PCDH15: variants seen among roughly 807,000 people sequenced by gnomAD.
PCDH15 encodes protocadherin-15.
PCDH15 carries 129 observed loss-of-function variants against 178.5 expected under a neutral mutation model. That is an observed-to-expected ratio of 0.72 (90% CI 0.63 to 0.84). The LOEUF is 0.84. PCDH15 is among the 40% of genes least tolerant of loss of function. The pLI is 0.00. For synonymous variants in PCDH15, 800 were observed against 732.0 expected (o/e 1.09, Z -1.50); for missense variants, 2,230 against 2,099.9 (o/e 1.06, Z -1.21).
chr10:54,734,202 G>A (rs1943779501), intron 1 of PCDH15, among the ~76,000 whole-genome samples: 1 of 151,766 alleles, frequency 6.6e-6, no homozygotes, highest in Admixed American at 6.6e-5. Flanking sequence ...ATTCAACACA[G>A]AGAAAGAGCA....
At chr10:54,659,647 A>T (rs1048295509) in intron 2 of PCDH15, among the ~76,000 whole-genome samples, 1 of 151,716 alleles carries the variant, frequency 6.6e-6, no homozygotes, top group Non-Finnish European at 1.5e-5. Context: ...CCAGCTACTC[A>T]GGAAACTGAG....
chr10:54,576,396 A>G (rs545665983), intron 2 of PCDH15, among the ~76,000 whole-genome samples: 1 of 152,350 alleles, frequency 6.6e-6, no homozygotes, highest in African/African-American at 2.4e-5. Flanking sequence ...TCCTCCTTTA[A>G]AAGTGAGAAT....
At chr10:53,894,660 A>G (rs1036252651) in intron 26 of PCDH15, among the ~76,000 whole-genome samples, 5 of 152,222 alleles carry the variant, frequency 3.3e-5, no homozygotes, top group African/African-American at 4.8e-5. Flanking sequence ...GAACTAAGTA[A>G]TCTACGCTAT....
chr10:55,496,880 G>T (rs908501169), intron 2 of PCDH15, among the ~76,000 whole-genome samples: 3 of 151,684 alleles, frequency 2.0e-5, no homozygotes, highest in Admixed American at 2.0e-4. Context: ...AAAAGGTCAG[G>T]TAAATAAAAT....
At chr10:54,019,414 C>T (rs1392767833) in intron 20 of PCDH15, among the ~76,000 whole-genome samples, 1 of 152,066 alleles carries the variant, frequency 6.6e-6, no homozygotes, top group African/African-American at 2.4e-5. Flanking sequence ...GTACTTTTCT[C>T]AAATGCTGAT....
chr10:55,544,139 C>CATACATATATATATATATATATAT (rs1200067998), intron 2 of PCDH15, among the ~76,000 whole-genome samples: 1 of 54,346 alleles, frequency 1.8e-5, no homozygotes. Flanking sequence ...CTTATACATA[C>CATACATATATATATATATATATAT]ATATATATAT....
intron 27 of PCDH15, among the ~76,000 whole-genome samples, 158 bp from the exon 28 acceptor site, chr10:53,857,421 C>G (rs1190365850): frequency 1.3e-5 from 2 of 152,022 alleles, no homozygotes; most frequent in African/African-American, 4.8e-5. Flanking sequence ...ATTATATGAT[C>G]TACACAAGGG....
chr10:54,211,701 CA>C (rs1360712181), intron 10 of PCDH15, among the ~76,000 whole-genome samples: 2 of 151,392 alleles, frequency 1.3e-5, no homozygotes, highest in Non-Finnish European at 2.9e-5. Context: ...TCTAGTCCAA[CA>C]AAAACTTTTA....
chr10:54,980,008 G>T (rs1839189952), intron 2 of PCDH15, among the ~76,000 whole-genome samples: 1 of 152,090 alleles, frequency 6.6e-6, no homozygotes, highest in South Asian at 2.1e-4. Context: ...TAACATTTGT[G>T]AACATCTGCA....
intron 2 of PCDH15, among the ~76,000 whole-genome samples, chr10:55,624,820 C>T (rs80303122): frequency 6.6e-6 from 1 of 151,948 alleles, no homozygotes; most frequent in Non-Finnish European, 1.5e-5. Flanking sequence ...ACCAGACTCA[C>T]CATTGGGTTC....
At chr10:55,251,979 A>G (rs1000938272) in intron 1 of PCDH15, among the ~76,000 whole-genome samples, 4 of 152,208 alleles carry the variant, frequency 2.6e-5, no homozygotes, top group African/African-American at 9.6e-5. Context: ...CAAATCCCAG[A>G]AGAAACCTGA....
chr10:55,618,142 G>T (rs1205503418), intron 2 of PCDH15, among the ~76,000 whole-genome samples: 1 of 151,932 alleles, frequency 6.6e-6, no homozygotes, highest in Non-Finnish European at 1.5e-5. Flanking sequence ...TTGCATTGCT[G>T]TTTATTAAAT....
intron 2 of PCDH15, among the ~76,000 whole-genome samples, chr10:54,950,845 A>C (rs1838321433): frequency 6.6e-6 from 1 of 151,928 alleles, no homozygotes; most frequent in African/African-American, 2.4e-5. Flanking sequence ...ATATCTGTTT[A>C]TATTTGTATT....
At chr10:54,009,260 A>G (rs2092490122) in intron 20 of PCDH15, among the ~76,000 whole-genome samples, 2 of 152,118 alleles carry the variant, frequency 1.3e-5, no homozygotes, top group African/African-American at 4.8e-5. Flanking sequence ...CCTGAAATAA[A>G]TATCTTAGGA....
chr10:54,526,313 A>C (rs1269442406), intron 3 of PCDH15, among the ~76,000 whole-genome samples: 1 of 152,226 alleles, frequency 6.6e-6, no homozygotes, highest in Non-Finnish European at 1.5e-5. Flanking sequence ...ATTTCAGCCC[A>C]GCTTACATTT....
intron 1 of PCDH15, among the ~76,000 whole-genome samples, chr10:54,756,395 T>C (rs7920545): frequency 0.5 from 76,085 of 151,976 alleles, 19,615 homozygotes; most frequent in Middle Eastern, 0.68. Flanking sequence ...TTTTTCAATA[T>C]GTAAATACGG....
At chr10:54,379,032 A>C (rs1208786580) in intron 3 of PCDH15, 90 bp from the exon 4 acceptor site, 1 of 1,439,424 alleles carries the variant, frequency 6.9e-7, no homozygotes, top group Non-Finnish European at 9.7e-7. Context: ...GCTGGCTCAC[A>C]ATCAGTTTTA....
At position 53,822,000 on chromosome 10, in the gene PCDH15, C is replaced by T. The variant is rs145851144; in HGVS notation, c.4368-1770G>A. The T allele has an allele frequency of 1.3e-4, 208 of 1,613,720 alleles. No individual in the cohort carries two copies. Among genetic ancestry groups the T allele is most frequent in the Middle Eastern group, 9.9e-4 (6 of 6,082 alleles). Reference sequence around the variant, plus strand: ...AGTTTGAAGTTCTGAAACATTTGTGCGTAGATAGTTTTTTTCTATTTGACT... The same window carrying T: ...AGTTTGAAGTTCTGAAACATTTGTGTGTAGATAGTTTTTTTCTATTTGACT... On this transcript the variant is annotated intron_variant, in intron 32 of 37. Coordinates refer to ENST00000644397, the MANE Select transcript of PCDH15 (RefSeq NM_001384140.1).
chr10:55,401,314 TA>T lies in PCDH15; in HGVS notation c.-156+226310del, dbSNP rs1308860450. ...AAGACTATCTGCCTGGGCAGCCTGG[TA>T]AACCTATATTTACTCAGCACTTACT... On this transcript the variant is annotated intron_variant, in intron 2 of 5. Coordinates refer to the PCDH15 transcript ENST00000613346. Among the ~76,000 whole-genome samples, 3 of 151,802 alleles carry T rather than the reference TA, an allele frequency of 2.0e-5. No individual in the cohort carries two copies. The East Asian group carries it at 5.8e-4, about 29-fold the overall frequency.
Sources: allele counts gnomAD v4.1 joint callset (sites outside exome capture counted in the v4.1 genomes callset), GRCh38; gene constraint gnomAD v4.1.1; transcripts MANE v1.5; gene names NCBI Gene and HGNC (gene_info 2026-07-23, HGNC 2026-07-21).